Variants in CRYBA4 observed in about 807,000 individuals in gnomAD.
CRYBA4 encodes the protein beta-crystallin A4.
Under a neutral mutation model 31.7 loss-of-function variants are expected in CRYBA4, and 30 were observed. The ratio of observed to expected loss-of-function variants is 0.95; its 90% CI spans 0.71 to 1.28. The LOEUF is 1.28. Ranked by LOEUF, CRYBA4 falls within the 50% of genes most tolerant of loss-of-function variation. CRYBA4 has a pLI of 0.00. For missense variants in CRYBA4, 225 were observed against 260.7 expected (o/e 0.86, Z 0.94); for synonymous variants, 102 against 102.3 (o/e 1.00, Z 0.02).
At chr22:26,590,857 G>A in the CRYBA4 span, among the ~76,000 whole-genome samples, 11 of 152,130 alleles carry the variant, frequency 7.2e-5, no homozygotes, top group Admixed American at 4.6e-4. Flanking sequence ...ACTCCTGACT[G>A]ATAAATCTTA....
the CRYBA4 span, among the ~76,000 whole-genome samples, chr22:26,601,376 C>G: frequency 2.0e-5 from 3 of 152,182 alleles, no homozygotes; most frequent in African/African-American, 7.2e-5. Context: ...TTTTGTGTGC[C>G]CATTGCCTAG....
At chr22:26,604,572 G>A in the CRYBA4 span, among the ~76,000 whole-genome samples, 2 of 152,194 alleles carry the variant, frequency 1.3e-5, no homozygotes, top group African/African-American at 4.8e-5. Flanking sequence ...GAGGGACCTT[G>A]GAGGTTAAGG....
chr22:26,608,383 A>G, the CRYBA4 span, among the ~76,000 whole-genome samples: 18 of 152,144 alleles, frequency 1.2e-4, no homozygotes, highest in African/African-American at 3.9e-4. Flanking sequence ...CAAGGAACAC[A>G]TAGACATTTG....
chr22:26,616,370 A>T, the CRYBA4 span: 1 of 1,487,774 alleles, frequency 6.7e-7, no homozygotes, highest in South Asian at 1.1e-5. Flanking sequence ...CAGGGATGAC[A>T]CCCCCAAACT....
intron 4 of CRYBA4, among the ~76,000 whole-genome samples, chr22:26,626,864 A>G (rs1569211403): frequency 6.6e-6 from 1 of 152,190 alleles, no homozygotes; most frequent in Non-Finnish European, 1.5e-5. Context: ...TCTTATCTAT[A>G]TTGCACACAT....
chr22:26,629,734 C>CAAGAAAAAAA (rs1929862712), intron 5 of CRYBA4, among the ~76,000 whole-genome samples: 1 of 80,600 alleles, frequency 1.2e-5, no homozygotes, highest in South Asian at 4.3e-4. Context: ...GACTCTGTCT[C>CAAGAAAAAAA]AAAAAAAAAA....
chr22:26,590,795 A>T, the CRYBA4 span, among the ~76,000 whole-genome samples: 1 of 152,150 alleles, frequency 6.6e-6, no homozygotes, highest in East Asian at 1.9e-4. Context: ...CCTGCAAAAA[A>T]TGCCGAATAG....
rs746246000 is a variant in CRYBA4 at position 26,630,526 on chromosome 22, T to C, written c.*39T>C. On this transcript the variant is annotated 3_prime_UTR_variant, in exon 6 of 6. Transcript: ENST00000354760. ...ACGGAGGAGCGCATGCGTGCTTATC[T>C]GCAATGGAGGCGCTCTGGAGGCTGT... 6.3e-7 allele frequency: 1 copy of C among 1,584,062 alleles called. No individual in the cohort carries two copies. The highest frequency in any genetic ancestry group is 8.6e-7 in the Non-Finnish European group (1 of 1,161,234).
chr22:26,612,228 G>T, the CRYBA4 span: 1 of 1,403,406 alleles, frequency 7.1e-7, no homozygotes. Flanking sequence ...GGCAGAGTGA[G>T]GGGGGAGTCA....
the CRYBA4 span, chr22:26,602,058 C>G: frequency 6.2e-7 from 1 of 1,610,610 alleles, no homozygotes. Context: ...GTGTGAAGTA[C>G]AAATGGGACA....
chr22:26,591,513 C>A, the CRYBA4 span, among the ~76,000 whole-genome samples: 2 of 147,892 alleles, frequency 1.4e-5, no homozygotes, highest in Admixed American at 6.7e-5. Context: ...GAGGCCGATG[C>A]GGGTGGATCA....
the CRYBA4 span, among the ~76,000 whole-genome samples, chr22:26,603,179 T>C: frequency 6.6e-6 from 1 of 150,814 alleles, no homozygotes; most frequent in Non-Finnish European, 1.5e-5. Context: ...ATTTATGCAC[T>C]GGTGATCTTG....
At chr22:26,605,428 C>G in the CRYBA4 span, among the ~76,000 whole-genome samples, 3 of 149,000 alleles carry the variant, frequency 2.0e-5, no homozygotes, top group African/African-American at 7.3e-5. Context: ...AATCCCAGCA[C>G]TTTGGGAGGC....
At chr22:26,605,918 T>A in the CRYBA4 span, among the ~76,000 whole-genome samples, 117 of 152,044 alleles carry the variant, frequency 7.7e-4, no homozygotes, top group Non-Finnish European at 1.6e-3. Context: ...AGACCAAGCT[T>A]ATTTAACCTG....
At chr22:26,628,625 A>G (rs1371734199) in intron 5 of CRYBA4, among the ~76,000 whole-genome samples, 195 bp downstream of exon 5, 1 of 152,098 alleles carries the variant, frequency 6.6e-6, no homozygotes, top group Non-Finnish European at 1.5e-5. Context: ...AGCCCAGAAG[A>G]TATTTATCAG....
chr22:26,601,791 T>C, the CRYBA4 span: 1 of 1,597,346 alleles, frequency 6.3e-7, no homozygotes, highest in Non-Finnish European at 8.5e-7. Context: ...TCTCTAGGAA[T>C]CTGATGTTAT....
chr22:26,598,645 A>G, the CRYBA4 span, among the ~76,000 whole-genome samples: 1 of 152,112 alleles, frequency 6.6e-6, no homozygotes, highest in Non-Finnish European at 1.5e-5. Flanking sequence ...CAGCCTCCCA[A>G]AGTGTTGGGA....
At chr22:26,628,905 A>G (rs1055824797) in intron 5 of CRYBA4, among the ~76,000 whole-genome samples, 7 of 152,224 alleles carry the variant, frequency 4.6e-5, no homozygotes, top group Non-Finnish European at 8.8e-5. Flanking sequence ...ACCAATCATC[A>G]TGCCCATAGG....
the CRYBA4 span, chr22:26,601,871 A>G: frequency 1.9e-6 from 3 of 1,611,606 alleles, no homozygotes; most frequent in Non-Finnish European, 2.5e-6. Context: ...GGCAGGAGGG[A>G]TGCTTACGTT....
Sources: allele counts gnomAD v4.1 joint callset (sites outside exome capture counted in the v4.1 genomes callset), GRCh38; gene constraint gnomAD v4.1.1; transcripts MANE v1.5; gene names NCBI Gene and HGNC (gene_info 2026-07-23, HGNC 2026-07-21).